MYT1L: variants seen among roughly 807,000 people sequenced by gnomAD.
MYT1L encodes the protein myelin transcription factor 1 like.
A neutral mutation model predicts 126.7 loss-of-function variants in MYT1L; 12 were observed. The ratio of observed to expected loss-of-function variants is 0.09; its 90% CI spans 0.06 to 0.15. MYT1L has a LOEUF of 0.15. Among genes scored for constraint, MYT1L ranks in the 10% least tolerant of loss-of-function variants. The pLI, the probability that MYT1L is intolerant of heterozygous loss-of-function variation, is 1.00. For missense variants in MYT1L, 979 were observed against 1,585.2 expected (o/e 0.62, Z 6.49); for synonymous variants, 541 against 604.2 (o/e 0.90, Z 1.53).
At chr2:2,267,540 A>C (rs2095163571) in intron 2 of MYT1L, among the ~76,000 whole-genome samples, 1 of 152,156 alleles carries the variant, frequency 6.6e-6, no homozygotes, top group Admixed American at 6.5e-5. Context: ...GACAGAAAAA[A>C]AATGCCCCAG....
At chr2:1,797,189 C>T (rs1376779675) in intron 23 of MYT1L, among the ~76,000 whole-genome samples, 1 of 152,168 alleles carries the variant, frequency 6.6e-6, no homozygotes, top group Non-Finnish European at 1.5e-5. Flanking sequence ...CTCGGCCGTT[C>T]TGCTGGTGCT....
intron 4 of MYT1L, among the ~76,000 whole-genome samples, chr2:2,022,953 C>A (rs2065177465): frequency 6.6e-6 from 1 of 152,174 alleles, no homozygotes; most frequent in African/African-American, 2.4e-5. Context: ...CAGTCACATT[C>A]AGGACTCACC....
At chr2:1,870,766 G>A (rs186772530) in intron 18 of MYT1L, among the ~76,000 whole-genome samples, 5 of 152,312 alleles carry the variant, frequency 3.3e-5, no homozygotes, top group African/African-American at 9.6e-5. Context: ...CTCCAGTTAC[G>A]GAAGATTGGG....
chr2:1,891,833 A>G (rs954468712), intron 15 of MYT1L, among the ~76,000 whole-genome samples: 7 of 152,212 alleles, frequency 4.6e-5, no homozygotes, highest in Non-Finnish European at 8.8e-5. Flanking sequence ...TCTGATTTAG[A>G]AAATGGATGC....
chr2:2,064,846 C>A (rs894915100), intron 3 of MYT1L, among the ~76,000 whole-genome samples: 1 of 152,002 alleles, frequency 6.6e-6, no homozygotes, highest in Non-Finnish European at 1.5e-5. Flanking sequence ...AAATATGAAA[C>A]GATTCCTGAT....
chr2:2,204,256 C>T (rs986784442), intron 2 of MYT1L, among the ~76,000 whole-genome samples: 1 of 152,060 alleles, frequency 6.6e-6, no homozygotes, highest in Non-Finnish European at 1.5e-5. Context: ...CCACAATTGA[C>T]AAATGGGATC....
chr2:1,934,843 A>C (rs762640972), intron 9 of MYT1L, among the ~76,000 whole-genome samples: 7 of 151,640 alleles, frequency 4.6e-5, no homozygotes, highest in Non-Finnish European at 1.0e-4. Context: ...GATTGCTTTT[A>C]TTGTCAGTGC....
At chr2:2,289,473 AG>A (rs1436034442) in intron 1 of MYT1L, among the ~76,000 whole-genome samples, 1 of 152,222 alleles carries the variant, frequency 6.6e-6, no homozygotes, top group African/African-American at 2.4e-5. Context: ...CTTATAGAAA[AG>A]CTGGGCTTAC....
chr2:2,030,054 T>TAGAG (rs1444817327), intron 4 of MYT1L, among the ~76,000 whole-genome samples: 9 of 152,298 alleles, frequency 5.9e-5, no homozygotes, highest in African/African-American at 2.2e-4. Flanking sequence ...GCATGTCCTG[T>TAGAG]AGAGCCTGGT....
chr2:2,105,182 C>T (rs1023335007), intron 3 of MYT1L, among the ~76,000 whole-genome samples: 1 of 152,274 alleles, frequency 6.6e-6, no homozygotes, highest in East Asian at 1.9e-4. Context: ...CTGTGTGATT[C>T]TAACTGAAGA....
chr2:1,995,847 C>G (rs1040192395), intron 5 of MYT1L, among the ~76,000 whole-genome samples: 2 of 152,184 alleles, frequency 1.3e-5, no homozygotes, highest in African/African-American at 4.8e-5. Context: ...TGGGCAGCGG[C>G]TCTGCCTAGG....
intron 3 of MYT1L, among the ~76,000 whole-genome samples, chr2:2,076,804 A>C (rs2075277113): frequency 1.1e-5 from 1 of 88,932 alleles, no homozygotes; most frequent in Non-Finnish European, 2.0e-5. Flanking sequence ...GAAACAGGAA[A>C]GTATGACACA....
At chr2:2,202,410 A>G (rs2093121698) in intron 2 of MYT1L, among the ~76,000 whole-genome samples, 1 of 152,192 alleles carries the variant, frequency 6.6e-6, no homozygotes, top group Non-Finnish European at 1.5e-5. Flanking sequence ...GAAGAACCAA[A>G]TAGATGCAAT....
intron 2 of MYT1L, among the ~76,000 whole-genome samples, chr2:2,208,671 G>C (rs1182068154): frequency 6.6e-6 from 1 of 152,130 alleles, no homozygotes; most frequent in Non-Finnish European, 1.5e-5. Flanking sequence ...TTTTAAAAGT[G>C]AGAGATATAT....
intron 5 of MYT1L, among the ~76,000 whole-genome samples, chr2:1,984,120 T>C (rs2060822395): frequency 1.3e-5 from 2 of 152,176 alleles, no homozygotes; most frequent in African/African-American, 2.4e-5. Context: ...ACATTTGGAC[T>C]CAGGATTTAT....
intron 4 of MYT1L, among the ~76,000 whole-genome samples, chr2:2,047,433 A>G (rs1364282393): frequency 6.6e-6 from 1 of 152,222 alleles, no homozygotes; most frequent in African/African-American, 2.4e-5. Context: ...CTCCTAACAA[A>G]GTGTACCCCC....
chr2:1,893,659 C>T (rs1376457327), intron 14 of MYT1L, among the ~76,000 whole-genome samples: 2 of 152,202 alleles, frequency 1.3e-5, no homozygotes, highest in Non-Finnish European at 2.9e-5. Context: ...TCGGCAGCAG[C>T]TCTGAACCTG....
chr2:2,023,684 G>A (rs2065256262), intron 4 of MYT1L, among the ~76,000 whole-genome samples: 1 of 151,896 alleles, frequency 6.6e-6, no homozygotes. Context: ...AACCTGGAAA[G>A]GCTGTCTAGC....
chr2:2,143,468 G>A (rs924398679), intron 3 of MYT1L, among the ~76,000 whole-genome samples: 1 of 152,062 alleles, frequency 6.6e-6, no homozygotes, highest in African/African-American at 2.4e-5. Flanking sequence ...TATTGGTCAG[G>A]GATTCCCTTG....
Sources: gnomAD v4.1 joint callset for allele counts (sites outside exome capture counted in the v4.1 genomes callset) on GRCh38, gnomAD v4.1.1 for gene constraint, MANE v1.5 for transcripts, NCBI Gene and HGNC (gene_info 2026-07-23, HGNC 2026-07-21) for gene names.